GABRB2: variants seen among roughly 807,000 people sequenced by gnomAD.
GABRB2 encodes gamma-aminobutyric acid receptor subunit beta-2.
Under a neutral mutation model 54.7 loss-of-function variants are expected in GABRB2, and 16 were observed. The observed-to-expected ratio is 0.29, with a 90% CI of 0.20 to 0.44. GABRB2 has a LOEUF of 0.44. GABRB2 is among the 20% of genes least tolerant of loss of function. The pLI is 1.00. For synonymous variants in GABRB2, 244 were observed against 233.8 expected, an observed-to-expected ratio of 1.04 and a Z score of -0.40; for missense variants, 355 against 644.0, an observed-to-expected ratio of 0.55 and a Z score of 4.86.
chr5:161,494,848 A>G (rs1218092314), intron 3 of GABRB2, among the ~76,000 whole-genome samples: 1 of 151,850 alleles, frequency 6.6e-6, no homozygotes, highest in African/African-American at 2.4e-5. Flanking sequence ...TTTCATCAAC[A>G]TTTGTCATAA....
chr5:161,361,204 C>T (rs1014998148), intron 5 of GABRB2, among the ~76,000 whole-genome samples: 19 of 151,946 alleles, frequency 1.3e-4, no homozygotes, highest in African/African-American at 4.1e-4. Flanking sequence ...CTAATTTGAA[C>T]AACCAAATTG....
chr5:161,462,665 A>G (rs768697461), intron 3 of GABRB2, among the ~76,000 whole-genome samples: 19 of 152,154 alleles, frequency 1.2e-4, no homozygotes, highest in Non-Finnish European at 2.5e-4. Context: ...GAGACCCTGC[A>G]TTACATGCTA....
At chr5:161,346,444 T>A (rs1022624148) in intron 5 of GABRB2, among the ~76,000 whole-genome samples, 1 of 152,170 alleles carries the variant, frequency 6.6e-6, no homozygotes, top group African/African-American at 2.4e-5. Flanking sequence ...CCAGGTGATA[T>A]GCACAAATGT....
At chr5:161,348,339 G>A (rs539966783) in intron 5 of GABRB2, among the ~76,000 whole-genome samples, 155 of 151,962 alleles carry the variant, frequency 1.0e-3, no homozygotes, top group African/African-American at 3.6e-3. Flanking sequence ...TAAAACAAAA[G>A]AAAATTAAGA....
chr5:161,357,520 A>C (rs1367201162), intron 5 of GABRB2, among the ~76,000 whole-genome samples: 1 of 2,232 alleles, frequency 4.5e-4, no homozygotes, highest in African/African-American at 3.0e-3. Context: ...AGTTTTGAGC[A>C]AAAAAAAAAA....
Position 161,331,119 on chromosome 5 carries a change from T to C in GABRB2, c.841A>G (p.Thr281Ala). The change falls in exon 8 of 10, where the codon ACT (threonine) becomes GCT (alanine). Residue 281 changes from threonine to alanine, a missense_variant. Physicochemically the swap from Thr to Ala is moderately conservative, Grantham distance 58 (BLOSUM62 0). Transcript: ENST00000393959. Reference protein sequence around the residue: ...SAARVALGITTVLTMTTINTH... With the variant: ...SAARVALGITAVLTMTTINTH... ...TTGATTGTGGTCATTGTGAGGACAGTTGTGATTCCTGAAAAAAAATGGGAG... is the reference window on the plus strand; with the variant it reads ...TTGATTGTGGTCATTGTGAGGACAGCTGTGATTCCTGAAAAAAAATGGGAG... The C allele has an allele frequency of 6.4e-7, 1 of 1,551,420 alleles. No homozygotes were observed.
intron 5 of GABRB2, among the ~76,000 whole-genome samples, chr5:161,342,268 G>T (rs1445209572): frequency 6.6e-6 from 1 of 151,842 alleles, no homozygotes; most frequent in Non-Finnish European, 1.5e-5. Context: ...AGCATTTTAT[G>T]TGTACATCAC....
At chr5:161,358,685 A>G (rs1264249110) in intron 5 of GABRB2, among the ~76,000 whole-genome samples, 1 of 152,204 alleles carries the variant, frequency 6.6e-6, no homozygotes, top group Non-Finnish European at 1.5e-5. Flanking sequence ...GGGTAGAGGT[A>G]GTGGTGGGAG....
intron 8 of GABRB2, chr5:161,330,650 T>C: frequency 3.8e-6 from 2 of 526,548 alleles, no homozygotes; most frequent in Non-Finnish European, 6.8e-6. Context: ...ATCATAAAGG[T>C]CTTCTCATGT....
intron 5 of GABRB2, among the ~76,000 whole-genome samples, chr5:161,342,974 C>T (rs899172835): frequency 1.3e-5 from 2 of 151,990 alleles, no homozygotes; most frequent in Non-Finnish European, 2.9e-5. Context: ...GTCAGTCCAC[C>T]GTTAGAATGA....
intron 6 of GABRB2, 130 bp downstream of exon 6, chr5:161,336,502 T>A (rs1753997177): frequency 1.8e-6 from 2 of 1,083,862 alleles, no homozygotes; most frequent in Admixed American, 5.4e-5. Flanking sequence ...CATGGGAAAC[T>A]GAGGGTTTTC....
At chr5:161,411,802 T>C (rs949557127) in intron 4 of GABRB2, among the ~76,000 whole-genome samples, 2 of 151,824 alleles carry the variant, frequency 1.3e-5, no homozygotes, top group Non-Finnish European at 2.9e-5. Context: ...AAAAAATATA[T>C]ACATTTAGAG....
In GABRB2 at chr5:161,336,744, C is replaced by T. The variant is rs1262539988; in HGVS notation, c.567G>A (p.Glu189=). 4 of 1,611,138 alleles carry T rather than the reference C, an allele frequency of 2.5e-6. No homozygotes were observed. The highest frequency in any genetic ancestry group is 3.4e-6 in the Non-Finnish European group (4 of 1,179,160). Reference sequence around the variant, plus strand: ...CATTATCATCGCCACGCCAGTAAAACTCAATGTCATCAGTTGTGTATCCAT... The same window carrying T: ...CATTATCATCGCCACGCCAGTAAAATTCAATGTCATCAGTTGTGTATCCAT... ...ESYGYTTDDI[E]FYWRGDDNAV... is the part of the protein sequence containing the mutation. The change falls in exon 6 of 10, where the codon GAG becomes GAA. Residue 189 remains glutamate, a synonymous_variant. Coordinates refer to ENST00000393959, the MANE Select transcript of GABRB2 (RefSeq NM_001371727.1).
intron 7 of GABRB2, among the ~76,000 whole-genome samples, chr5:161,333,257 C>G (rs1753904244): frequency 1.3e-5 from 2 of 152,170 alleles, no homozygotes; most frequent in Admixed American, 1.3e-4. Flanking sequence ...TTACTGAGCA[C>G]CATTCCCCAT....
intron 5 of GABRB2, among the ~76,000 whole-genome samples, chr5:161,366,592 A>C (rs1057031119): frequency 6.6e-6 from 1 of 152,198 alleles, no homozygotes; most frequent in Non-Finnish European, 1.5e-5. Context: ...GTGCTCAATT[A>C]ACTGTTAACT....
chr5:161,379,678 A>G (rs964552701), intron 5 of GABRB2, among the ~76,000 whole-genome samples: 15 of 152,138 alleles, frequency 9.9e-5, no homozygotes, highest in African/African-American at 3.6e-4. Flanking sequence ...CATCCATTAA[A>G]ATAAGTTTTC....
chr5:161,439,949 C>T (rs1241699220), intron 4 of GABRB2, among the ~76,000 whole-genome samples: 1 of 150,368 alleles, frequency 6.7e-6, no homozygotes, highest in Non-Finnish European at 1.5e-5. Flanking sequence ...CAAACCTGCA[C>T]ATCTAGCACA....
chr5:161,442,406 G>A lies in GABRB2; in HGVS notation c.458+17218C>T, dbSNP rs145808612. On this transcript the variant is annotated intron_variant, in intron 4 of 9. Transcript: ENST00000393959. ...TAGTGATGATGAGGTACCCACTCTC[G>A]TGCAGAATCTTCCACCAGGACACTG... Among the ~76,000 whole-genome samples, 146 of 152,248 alleles carry A rather than the reference G, an allele frequency of 9.6e-4. 2 individuals carry two copies. In the East Asian group the frequency reaches 0.015, roughly 16 times the overall value.
At chr5:161,479,071 C>G (rs1581020248) in intron 3 of GABRB2, among the ~76,000 whole-genome samples, 2 of 151,958 alleles carry the variant, frequency 1.3e-5, no homozygotes, top group African/African-American at 4.8e-5. Context: ...GGTACAACAA[C>G]AAAAAATACA....
Sources: allele counts gnomAD v4.1 joint callset (sites outside exome capture counted in the v4.1 genomes callset), GRCh38; gene constraint gnomAD v4.1.1; transcripts MANE v1.5; gene names NCBI Gene and HGNC (gene_info 2026-07-23, HGNC 2026-07-21).